Variants in ANO4 observed in about 807,000 individuals in gnomAD.
ANO4 encodes the protein anoctamin 4.
ANO4 carries 69 observed loss-of-function variants against 141.9 expected under a neutral mutation model. The observed-to-expected ratio is 0.49, with a 90% CI of 0.40 to 0.59. The LOEUF is 0.59. Ranked by LOEUF, ANO4 falls within the 20% of genes least tolerant of loss-of-function variation. ANO4 has a pLI of 0.00. For missense variants in ANO4, 894 were observed against 1,162.2 expected, an observed-to-expected ratio of 0.77 and a Z score of 3.36; for synonymous variants, 350 against 394.3, an observed-to-expected ratio of 0.89 and a Z score of 1.33.
chr12:100,981,787 C>A (rs1377692877), intron 7 of ANO4, among the ~76,000 whole-genome samples: 2 of 152,148 alleles, frequency 1.3e-5, no homozygotes, highest in African/African-American at 4.8e-5. Context: ...ACATTGTAGG[C>A]AGTTTATAAA....
At chr12:100,902,870 T>C (rs1455262374) in intron 2 of ANO4, among the ~76,000 whole-genome samples, 2 of 152,218 alleles carry the variant, frequency 1.3e-5, no homozygotes, top group African/African-American at 4.8e-5. Context: ...CCTTTAGCCA[T>C]GGTCACCTTT....
At chr12:100,795,830 C>T (rs532203100) in intron 1 of ANO4, among the ~76,000 whole-genome samples, 36 of 152,212 alleles carry the variant, frequency 2.4e-4, no homozygotes, top group African/African-American at 8.2e-4. Flanking sequence ...AGGTTTCTGA[C>T]GAAGACTATG....
At chr12:100,804,887 C>T (rs1156276961) in intron 1 of ANO4, among the ~76,000 whole-genome samples, 1 of 151,804 alleles carries the variant, frequency 6.6e-6, no homozygotes, top group African/African-American at 2.4e-5. Flanking sequence ...AAAATTTTCT[C>T]CCATTCTGTA....
At chr12:100,717,969 C>T (rs908842728) in intron 1 of ANO4, among the ~76,000 whole-genome samples, 3 of 152,138 alleles carry the variant, frequency 2.0e-5, no homozygotes, top group African/African-American at 4.8e-5. Flanking sequence ...TGCATTTCTC[C>T]GTCTGTAAAT....
intron 8 of ANO4, among the ~76,000 whole-genome samples, chr12:100,996,181 A>C (rs1328088479): frequency 6.6e-6 from 1 of 152,174 alleles, no homozygotes; most frequent in Non-Finnish European, 1.5e-5. Context: ...ACACTTTTTA[A>C]TTATGTGTGA....
At chr12:100,954,375 T>G (rs576056161) in intron 5 of ANO4, among the ~76,000 whole-genome samples, 1 of 152,230 alleles carries the variant, frequency 6.6e-6, no homozygotes. Flanking sequence ...CAGCACATGA[T>G]TCTCAAAACT....
At chr12:100,846,696 A>G (rs1162171289) in intron 1 of ANO4, among the ~76,000 whole-genome samples, 1 of 152,162 alleles carries the variant, frequency 6.6e-6, no homozygotes, top group Non-Finnish European at 1.5e-5. Context: ...AGTGTTCCAG[A>G]TTAATTCGAT....
chr12:100,942,322 C>T, intron 4 of ANO4, 55 bp from the exon 5 acceptor site: 1 of 1,572,448 alleles, frequency 6.4e-7, no homozygotes, highest in Non-Finnish European at 8.6e-7. Flanking sequence ...ACATTACTCA[C>T]TTGAACCTCA....
chr12:100,832,364 G>A (rs1258328708), intron 1 of ANO4, among the ~76,000 whole-genome samples: 1 of 152,050 alleles, frequency 6.6e-6, no homozygotes, highest in South Asian at 2.1e-4. Flanking sequence ...ATGGGTATTG[G>A]CAGGTGTTGG....
At chr12:100,875,122 G>A (rs1463112032) in intron 1 of ANO4, among the ~76,000 whole-genome samples, 1 of 152,050 alleles carries the variant, frequency 6.6e-6, no homozygotes, top group Non-Finnish European at 1.5e-5. Context: ...GATTTGGGAG[G>A]GGCCAGAGGT....
chr12:101,041,548 A>G (rs1593101493), intron 11 of ANO4, among the ~76,000 whole-genome samples: 2 of 152,216 alleles, frequency 1.3e-5, no homozygotes, highest in Admixed American at 6.5e-5. Context: ...TGGTTAGTCA[A>G]TGCATATTAA....
At chr12:100,901,554 T>C (rs1393094196) in intron 1 of ANO4, 92 bp from the exon 2 acceptor site, 2 of 567,224 alleles carry the variant, frequency 3.5e-6, no homozygotes, top group East Asian at 5.9e-5. Context: ...ACATGGTTGC[T>C]TCTGTTCTCT....
intron 3 of ANO4, among the ~76,000 whole-genome samples, chr12:100,758,640 C>G (rs1019040175): frequency 6.6e-6 from 1 of 152,078 alleles, no homozygotes; most frequent in Non-Finnish European, 1.5e-5. Flanking sequence ...TCATATTGAC[C>G]CTGTAAAGGA....
chr12:100,922,242 G>A lies in ANO4; in HGVS notation c.72G>A (p.Leu24=). 2 of 1,531,760 alleles carry A rather than the reference G, an allele frequency of 1.3e-6. No homozygotes were observed. Among genetic ancestry groups the A allele is most frequent in the Non-Finnish European group, 1.7e-6 (2 of 1,145,520 alleles). 94.9% of individuals were successfully genotyped at this position (1,531,760 alleles called of 1,614,324 possible). ...KVFHPEGGVD[L]QGYQLDMQIL... is the part of the protein sequence containing the mutation. ...TTTCTCTAGAAGGAGGTGTGGATTT[G>A]CAAGGCTACCAGCTGGATATGCAAA... The change falls in exon 3 of 28, where the codon TTG becomes TTA. Residue 24 remains leucine (L), a synonymous_variant. Coordinates refer to ENST00000392977, the MANE Select transcript of ANO4 (RefSeq NM_001286615.2).
At chr12:101,007,623 A>T (rs1330255962) in intron 8 of ANO4, among the ~76,000 whole-genome samples, 1 of 152,198 alleles carries the variant, frequency 6.6e-6, no homozygotes, top group Non-Finnish European at 1.5e-5. Flanking sequence ...CAAAGTAGAT[A>T]TTATTGTATT....
chr12:100,920,367 A>G (rs995119767), intron 2 of ANO4, among the ~76,000 whole-genome samples: 1 of 152,134 alleles, frequency 6.6e-6, no homozygotes, highest in Non-Finnish European at 1.5e-5. Context: ...TAAAGCCTAA[A>G]TGATATCATA....
rs770227673 is a variant in ANO4, at chr12:101,110,493, C to G, written c.2239C>G (p.Leu747Val). 4 of 1,611,544 alleles carry G rather than the reference C, an allele frequency of 2.5e-6. No homozygotes were observed. Among genetic ancestry groups the G allele is most frequent in the African/African-American group, 1.3e-5 (1 of 74,856 alleles). Residue 747 changes from leucine (L) to valine (V), a missense_variant, in exon 23 of 28, where the codon CTT becomes GTT. Physicochemically the swap from Leu to Val is conservative, Grantham distance 32. Around this residue, in one of 2 missense-constraint regions of ANO4, gnomAD observed 637 missense variants for 909.2 expected, o/e 0.70. Coordinates refer to ENST00000392977, the MANE Select transcript of ANO4 (RefSeq NM_001286615.2). ...ALLNNIIEIRLDAYKFVTQWR... is the reference protein window; with the variant it reads ...ALLNNIIEIRVDAYKFVTQWR... ...ACTGAATAACATAATTGAAATTCGACTTGATGCTTACAAATTTGTCACACA... is the reference window on the plus strand; with the variant it reads ...ACTGAATAACATAATTGAAATTCGAGTTGATGCTTACAAATTTGTCACACA...
chr12:101,061,789 T>C (rs971973449), intron 14 of ANO4, among the ~76,000 whole-genome samples: 1 of 152,076 alleles, frequency 6.6e-6, no homozygotes, highest in East Asian at 1.9e-4. Flanking sequence ...CTAACCTTTT[T>C]TCAAGGTTCT....
intron 14 of ANO4, among the ~76,000 whole-genome samples, chr12:101,067,461 T>C (rs2048640136): frequency 6.6e-6 from 1 of 152,206 alleles, no homozygotes; most frequent in African/African-American, 2.4e-5. Context: ...GGTGGATGGA[T>C]TACTGAGCTC....
Sources: gnomAD v4.1 joint callset for allele counts (sites outside exome capture counted in the v4.1 genomes callset) on GRCh38, gnomAD v4.1.1 for gene constraint, gnomAD v4.1.1 regional missense constraint, MANE v1.5 for transcripts, NCBI Gene and HGNC (gene_info 2026-07-23, HGNC 2026-07-21) for gene names.